The following CRTC1 variants were observed in gnomAD, a reference collection of about 807,000 sequenced individuals.
CRTC1 encodes CREB regulated transcription coactivator 1, also known as CREB-regulated transcription coactivator 1.
Under a neutral mutation model 66.1 loss-of-function variants are expected in CRTC1, and 18 were observed. The observed-to-expected ratio is 0.27, with a 90% CI of 0.19 to 0.40. The LOEUF is 0.40. Among genes scored for constraint, CRTC1 ranks in the 10% least tolerant of loss-of-function variants. The pLI is 1.00. For missense variants in CRTC1, 669 were observed against 887.9 expected (o/e 0.75, Z 3.13); for synonymous variants, 416 against 398.8 (o/e 1.04, Z -0.51).
At position 18,723,393 on chromosome 19, in the gene CRTC1, G is replaced by T. The variant is rs114185090; in HGVS notation, c.127-19517G>T. 2.2e-3 allele frequency among the ~76,000 whole-genome samples: 338 copies of T among 152,316 alleles called. 2 individuals carry two copies. The highest frequency in any genetic ancestry group is 7.7e-3 in the African/African-American group (320 of 41,572). On this transcript the variant is annotated intron_variant, in intron 1 of 13. Transcript: ENST00000321949. ...CAATCTCCCCATGGGGAGAGACGGAGACCTGTCTCTTCCCATCTGCCTTAG... is the reference window on the plus strand; with the variant it reads ...CAATCTCCCCATGGGGAGAGACGGATACCTGTCTCTTCCCATCTGCCTTAG...
rs1418200446 is a variant in CRTC1, at chr19:18,781,439, TGTCC to T, written c.*4058_*4061del. 1 of 230,328 alleles carries T rather than the reference TGTCC, an allele frequency of 4.3e-6. No individual in the cohort carries two copies. 14.3% of individuals were successfully genotyped at this position (230,328 alleles called of 1,614,324 possible). On this transcript the variant is annotated 3_prime_UTR_variant, in exon 14 of 14. Transcript: ENST00000321949. ...TCCCGTCAGCTCCACCTGAGCCAAG[TGTCC>T]TGTTCCCTGCGGCCCTTGGCCTTCC... is the stretch of plus-strand genomic sequence containing the variant.
At chr19:18,718,479 G>T (rs571545225) in intron 1 of CRTC1, among the ~76,000 whole-genome samples, 73 of 151,066 alleles carry the variant, frequency 4.8e-4, no homozygotes, top group African/African-American at 1.5e-3. Context: ...TGAAATTATT[G>T]GTGTGCACCA....
intron 6 of CRTC1, among the ~76,000 whole-genome samples, chr19:18,758,794 T>G (rs970171250): frequency 2.6e-5 from 4 of 152,194 alleles, no homozygotes; most frequent in Admixed American, 1.3e-4. Context: ...TTGGGCTTGA[T>G]TCACTCCCTG....
At chr19:18,719,958 C>T (rs1019257763) in intron 1 of CRTC1, among the ~76,000 whole-genome samples, 2 of 152,214 alleles carry the variant, frequency 1.3e-5, no homozygotes, top group East Asian at 1.9e-4. Context: ...ACCCAGGGGC[C>T]GCTCTTGGGG....
chr19:18,754,852 G>A (rs527645336), intron 6 of CRTC1, among the ~76,000 whole-genome samples: 6 of 152,348 alleles, frequency 3.9e-5, no homozygotes, highest in East Asian at 3.9e-4. Flanking sequence ...ACTGAGGGGC[G>A]TCTCACAAGG....
At chr19:18,729,112 C>T (rs977858972) in intron 1 of CRTC1, among the ~76,000 whole-genome samples, 22 of 148,362 alleles carry the variant, frequency 1.5e-4, no homozygotes, top group African/African-American at 3.9e-4. Context: ...CGCACCTGCC[C>T]GCCTTGTTTT....
intron 1 of CRTC1, among the ~76,000 whole-genome samples, chr19:18,696,602 G>A (rs1196896403): frequency 2.6e-5 from 4 of 152,158 alleles, no homozygotes. Flanking sequence ...CCATGCGGAG[G>A]ACCTTGTTGT....
chr19:18,730,107 C>T (rs1468751254), intron 1 of CRTC1, among the ~76,000 whole-genome samples: 1 of 152,178 alleles, frequency 6.6e-6, no homozygotes, highest in Admixed American at 6.5e-5. Flanking sequence ...CCAAGGCCGG[C>T]CGTGGCTTCT....
At chr19:18,776,549 C>T (rs189363162) in intron 13 of CRTC1, among the ~76,000 whole-genome samples, 2 of 152,316 alleles carry the variant, frequency 1.3e-5, no homozygotes, top group East Asian at 3.9e-4. Flanking sequence ...CACCTCCTTC[C>T]CACCCCTCGG....
At chr19:18,744,179 C>T in intron 2 of CRTC1, 2 of 1,607,358 alleles carry the variant, frequency 1.2e-6, no homozygotes, top group South Asian at 1.1e-5. Context: ...CAGGCTGAGG[C>T]CGCGGCGTCC....
At chr19:18,737,042 C>T (rs7252217) in intron 1 of CRTC1, among the ~76,000 whole-genome samples, 27,309 of 152,100 alleles carry the variant, frequency 0.18, 2,586 homozygotes, top group East Asian at 0.29. Flanking sequence ...TGGGGCCACC[C>T]GGCCTCCATT....
chr19:18,770,189 CCG>C (rs1461318272), intron 10 of CRTC1, among the ~76,000 whole-genome samples: 1 of 152,204 alleles, frequency 6.6e-6, no homozygotes, highest in East Asian at 1.9e-4. Flanking sequence ...CATGGCTGGG[CCG>C]TGCTAGGACA....
intron 1 of CRTC1, among the ~76,000 whole-genome samples, chr19:18,724,334 C>T (rs1037851276): frequency 1.3e-5 from 2 of 151,984 alleles, no homozygotes; most frequent in Non-Finnish European, 2.9e-5. Flanking sequence ...TGGGGGGATT[C>T]CATGATGAGC....
intron 4 of CRTC1, among the ~76,000 whole-genome samples, chr19:18,747,893 A>G (rs2054280770): frequency 6.6e-6 from 1 of 152,196 alleles, no homozygotes; most frequent in South Asian, 2.1e-4. Context: ...CCTGAACAAC[A>G]TAGAAAGATC....
intron 8 of CRTC1, among the ~76,000 whole-genome samples, chr19:18,761,736 C>A (rs937394547): frequency 6.6e-6 from 1 of 152,124 alleles, no homozygotes; most frequent in Non-Finnish European, 1.5e-5. Context: ...AGGGAGGAGC[C>A]TGGAGGCGTT....
intron 1 of CRTC1, among the ~76,000 whole-genome samples, chr19:18,687,011 C>CTTTTT (rs35032428): frequency 1.2e-4 from 12 of 103,412 alleles, no homozygotes; most frequent in Admixed American, 2.3e-4. Flanking sequence ...GACTGAGAAA[C>CTTTTT]TTTTTTTTTT....
In CRTC1 at chr19:18,691,807, G is replaced by A. The variant is rs75089010; in HGVS notation, c.126+7979G>A. Reference sequence around the variant, plus strand: ...CGGCTCACTGCAACCTCCTTCTCCCGTGTTCAAGCGATCCTCCTGCCTCAG... The same window carrying A: ...CGGCTCACTGCAACCTCCTTCTCCCATGTTCAAGCGATCCTCCTGCCTCAG... On this transcript the variant is annotated intron_variant, in intron 1 of 13. Transcript: ENST00000321949. Among the ~76,000 whole-genome samples, 1,479 of 151,994 alleles carry A rather than the reference G, an allele frequency of 9.7e-3. 7 individuals are homozygous for A. The highest frequency in any genetic ancestry group is 0.017 in the Non-Finnish European group (1,135 of 67,974).
At chr19:18,761,926 C>T (rs548286771) in intron 8 of CRTC1, among the ~76,000 whole-genome samples, 3 of 152,186 alleles carry the variant, frequency 2.0e-5, no homozygotes, top group Non-Finnish European at 4.4e-5. Context: ...GCCCTGGGCC[C>T]GCGGGGCTCT....
chr19:18,693,757 G>A lies in CRTC1; in HGVS notation c.126+9929G>A, dbSNP rs182002905. 1.4e-3 allele frequency among the ~76,000 whole-genome samples: 206 copies of A among 151,824 alleles called. 1 individual carries two copies. Among genetic ancestry groups the A allele is most frequent in the Non-Finnish European group, 2.3e-3 (155 of 67,950 alleles). On this transcript the variant is annotated intron_variant, in intron 1 of 13. Coordinates refer to ENST00000321949, the MANE Select transcript of CRTC1 (RefSeq NM_015321.3). Reference sequence around the variant, plus strand: ...GGCCTCCCAAAGTGCTGGGATTACAGGCGTGAGCCACCATTCCCGGCCCGC... The same window carrying A: ...GGCCTCCCAAAGTGCTGGGATTACAAGCGTGAGCCACCATTCCCGGCCCGC...
Sources: allele counts gnomAD v4.1 joint callset (sites outside exome capture counted in the v4.1 genomes callset), GRCh38; gene constraint gnomAD v4.1.1; transcripts MANE v1.5; gene names NCBI Gene and HGNC (gene_info 2026-07-23, HGNC 2026-07-21).